The following ARMC9 variants were observed in gnomAD, a reference collection of about 807,000 sequenced individuals.
The protein encoded by ARMC9 is armadillo repeat containing 9, also known as lisH domain-containing protein ARMC9.
ARMC9 carries 94 observed loss-of-function variants against 107.0 expected under a neutral mutation model. That is an observed-to-expected ratio of 0.88 (90% CI 0.74 to 1.04). The LOEUF (loss-of-function observed/expected upper bound fraction) is 1.04. Ranked by LOEUF, ARMC9 falls within the 50% of genes least tolerant of loss-of-function variation. The pLI, the probability that ARMC9 is intolerant of heterozygous loss-of-function variation, is 0.00. For synonymous variants in ARMC9, 380 were observed against 396.9 expected, an observed-to-expected ratio of 0.96 and a Z score of 0.51; for missense variants, 942 against 1,030.1, an observed-to-expected ratio of 0.91 and a Z score of 1.17.
chr2:231,356,402 G>A (rs559423275), intron 22 of ARMC9, among the ~76,000 whole-genome samples: 28 of 152,244 alleles, frequency 1.8e-4, no homozygotes, highest in African/African-American at 6.5e-4. Flanking sequence ...GAGGCTGATG[G>A]GAGATAAAAG....
At chr2:231,371,379 C>T in intron 24 of ARMC9, 134 bp from the exon 25 acceptor site, 1 of 1,108,414 alleles carries the variant, frequency 9.0e-7, no homozygotes, top group Non-Finnish European at 1.2e-6. Flanking sequence ...GAGCCCAGGC[C>T]ACAGAACAGG....
At chr2:231,263,210 A>G (rs1159761548) in intron 12 of ARMC9, among the ~76,000 whole-genome samples, 1 of 152,208 alleles carries the variant, frequency 6.6e-6, no homozygotes, top group Non-Finnish European at 1.5e-5. Flanking sequence ...AAACTTCACA[A>G]CGTGTGCACT....
intron 16 of ARMC9, among the ~76,000 whole-genome samples, chr2:231,279,445 T>C (rs927357769): frequency 6.6e-6 from 1 of 152,128 alleles, no homozygotes; most frequent in Non-Finnish European, 1.5e-5. Flanking sequence ...AGGATACGAT[T>C]GAGTACCACT....
chr2:231,316,133 A>G (rs1255574049), intron 19 of ARMC9, among the ~76,000 whole-genome samples: 1 of 150,452 alleles, frequency 6.6e-6, no homozygotes, highest in Non-Finnish European at 1.5e-5. Flanking sequence ...GTCATGTATC[A>G]TTTAAAGAAG....
At chr2:231,366,493 T>C (rs905823744) in intron 23 of ARMC9, among the ~76,000 whole-genome samples, 9 of 151,654 alleles carry the variant, frequency 5.9e-5, no homozygotes, top group East Asian at 1.9e-4. Context: ...AGGCCAGGAG[T>C]GTGAGGCCAG....
intron 9 of ARMC9, among the ~76,000 whole-genome samples, chr2:231,249,268 T>C (rs1206366652): frequency 6.6e-6 from 1 of 152,142 alleles, no homozygotes; most frequent in Non-Finnish European, 1.5e-5. Flanking sequence ...GCCTGGGAGT[T>C]AATAAGCTTG....
At position 231,262,372 on chromosome 2, in the gene ARMC9, C is replaced by G; in HGVS notation, c.1093C>G (p.Leu365Val). Residue 365 changes from leucine to valine, a missense_variant, in exon 12 of 25, where the codon CTC becomes GTC. By Grantham distance (32) the Leu-to-Val change is conservative (BLOSUM62 1). Coordinates refer to ENST00000611582, the MANE Select transcript of ARMC9 (RefSeq NM_001352754.2). ...TVLQAYISND[L>V]LDCYSHNQRS... ...TCTGCAAGCCTACATCAGCAATGACCTCTTGGACTGTTATAGCCACAACCA... is the reference window on the plus strand; with the variant it reads ...TCTGCAAGCCTACATCAGCAATGACGTCTTGGACTGTTATAGCCACAACCA... The G allele has an allele frequency of 6.2e-7, 1 of 1,614,166 alleles. No homozygotes were observed. The highest frequency in any genetic ancestry group is 8.5e-7 in the Non-Finnish European group (1 of 1,180,010).
chr2:231,264,178 T>A (rs1302130689), intron 12 of ARMC9, among the ~76,000 whole-genome samples: 1 of 152,132 alleles, frequency 6.6e-6, no homozygotes, highest in East Asian at 1.9e-4. Flanking sequence ...GTTGCTATGG[T>A]TTACTTATAT....
chr2:231,351,825 C>CT (rs1435465132), intron 21 of ARMC9, among the ~76,000 whole-genome samples: 1 of 152,032 alleles, frequency 6.6e-6, no homozygotes, highest in African/African-American at 2.4e-5. Context: ...ATATTCGTAA[C>CT]TAAAACAAAA....
chr2:231,217,752 G>A (rs1460148289), intron 5 of ARMC9, among the ~76,000 whole-genome samples: 6 of 152,094 alleles, frequency 3.9e-5, no homozygotes, highest in Non-Finnish European at 2.9e-5. Flanking sequence ...GTATAGTGGC[G>A]CGATCTCGGC....
chr2:231,272,889 G>T (rs2039457493), intron 13 of ARMC9, 66 bp from the exon 14 acceptor site: 2 of 1,556,738 alleles, frequency 1.3e-6, no homozygotes, highest in South Asian at 1.2e-5. Context: ...CGTGGAAAGT[G>T]GTTTTGTAGC....
chr2:231,213,838 GT>G (rs1410786461), intron 3 of ARMC9, among the ~76,000 whole-genome samples: 1 of 152,202 alleles, frequency 6.6e-6, no homozygotes, highest in Non-Finnish European at 1.5e-5. Flanking sequence ...ATGGTATTGG[GT>G]GGGGAAGTGG....
intron 19 of ARMC9, among the ~76,000 whole-genome samples, chr2:231,309,161 C>T (rs192998233): frequency 6.4e-4 from 98 of 152,300 alleles, no homozygotes; most frequent in Middle Eastern, 3.4e-3. Context: ...CTGGGATGCA[C>T]CACCCAGCAG....
At chr2:231,348,422 A>G (rs970362606) in intron 21 of ARMC9, among the ~76,000 whole-genome samples, 2 of 152,234 alleles carry the variant, frequency 1.3e-5, no homozygotes, top group Admixed American at 6.5e-5. Flanking sequence ...TAATTATGAG[A>G]CAAGTTTGTG....
chr2:231,360,765 G>T lies in ARMC9; in HGVS notation c.2143G>T (p.Ala715Ser), dbSNP rs748686282. ...CTCCTCCTCCCCAGCAGCCATCATC[G>T]CCAAGCCAGGAGAGTGGCTCCCAAG... ...SCVSSSSAII[A>S]KPGEWLPRGR... is the part of the protein sequence containing the mutation. The change falls in exon 23 of 25, where the codon GCC becomes TCC. Residue 715 changes from alanine (A) to serine (S), a missense_variant. Ala to Ser is a moderately conservative substitution (Grantham distance 99). Coordinates refer to ENST00000611582, the MANE Select transcript of ARMC9 (RefSeq NM_001352754.2). This position sits in a 1 kb window ranked among gnomAD's most constrained non-coding sequence, Gnocchi z 4.7. 1.3e-6 allele frequency: 2 copies of T among 1,536,164 alleles called. No individual in the cohort carries two copies. The highest frequency in any genetic ancestry group is 8.7e-7 in the Non-Finnish European group (1 of 1,146,902).
intron 14 of ARMC9, 65 bp from the exon 15 acceptor site, chr2:231,276,571 A>C (rs2039772858): frequency 6.2e-7 from 1 of 1,603,988 alleles, no homozygotes; most frequent in African/African-American, 1.3e-5. Context: ...CTTCCAGCCT[A>C]CTGTTTCCTC....
In ARMC9 at chr2:231,360,948, C is replaced by T. The variant is rs1448776250; in HGVS notation, c.2261+65C>T. On this transcript the variant is annotated intron_variant, in intron 23 of 24. Coordinates refer to ENST00000611582, the MANE Select transcript of ARMC9 (RefSeq NM_001352754.2). This position sits in a 1 kb window ranked among gnomAD's most constrained non-coding sequence, Gnocchi z 4.7. ...AGCTCTGGGAGTGGGCGCCCCACGC[C>T]GGATGCAGAGCACCCAGGAGACCTG... The T allele has an allele frequency of 1.6e-5, 23 of 1,457,688 alleles. No homozygotes were observed. Among genetic ancestry groups the T allele is most frequent in the Non-Finnish European group, 1.7e-5 (19 of 1,111,530 alleles). The allele number at this position is 1,457,688 out of a possible 1,614,324, so 90.3% of individuals were successfully genotyped here. A position where few individuals can be genotyped will look rare whatever the true frequency, so the allele number is the denominator to read the frequency against.
rs1359450325 is a variant in ARMC9 at position 231,216,715 on chromosome 2, C to T, written c.426C>T (p.Thr142=). The T allele has an allele frequency of 6.2e-7, 1 of 1,613,924 alleles. No homozygotes were observed. The highest frequency in any genetic ancestry group is 2.2e-5 in the East Asian group (1 of 44,894). ...LETKGAALSQ[T]TEFLPFYALP... ...CCAAAGGGGCAGCCTTGAGCCAGAC[C>T]ACAGAGTTTCTTCCTTTCTATGCCC... The change falls in exon 5 of 25, where the codon ACC becomes ACT. Residue 142 remains threonine (T), a synonymous_variant. Transcript: ENST00000611582.
At chr2:231,314,356 GT>G (rs1668287663) in intron 19 of ARMC9, among the ~76,000 whole-genome samples, 1 of 152,190 alleles carries the variant, frequency 6.6e-6, no homozygotes, top group Non-Finnish European at 1.5e-5. Flanking sequence ...GGGATTACAG[GT>G]GTGAGCCACT....
Sources: allele counts gnomAD v4.1 joint callset (sites outside exome capture counted in the v4.1 genomes callset), GRCh38; gene constraint gnomAD v4.1.1; non-coding constraint Gnocchi (gnomAD v3.1); transcripts MANE v1.5; gene names NCBI Gene and HGNC (gene_info 2026-07-23, HGNC 2026-07-21).